Variants in NINJ2 observed in about 807,000 individuals in gnomAD.
NINJ2 encodes the protein ninjurin-2.
In NINJ2, 12 loss-of-function variants were observed where a neutral mutation model predicts 11.7. The observed-to-expected ratio is 1.02, with a 90% CI of 0.66 to 1.66. NINJ2 has a LOEUF of 1.66. NINJ2 is among the 40% of genes most tolerant of loss of function. NINJ2 has a pLI of 0.00. For missense variants in NINJ2, 187 were observed against 181.8 expected (o/e 1.03, Z -0.16); for synonymous variants, 93 against 76.8 (o/e 1.21, Z -1.10).
At chr12:574,953 G>C (rs1715200112) in intron 1 of NINJ2, among the ~76,000 whole-genome samples, 1 of 152,218 alleles carries the variant, frequency 6.6e-6, no homozygotes, top group South Asian at 2.1e-4. Context: ...TGAAAGCTGT[G>C]AAGTATTAAA....
At chr12:588,703 C>T (rs1947676842) in intron 1 of NINJ2, among the ~76,000 whole-genome samples, 1 of 152,154 alleles carries the variant, frequency 6.6e-6, no homozygotes, top group Non-Finnish European at 1.5e-5. Flanking sequence ...CACTGCTGCA[C>T]AGAGCACAAA....
chr12:636,638 TCACCA>T (rs1948355580), intron 1 of NINJ2, among the ~76,000 whole-genome samples: 1 of 151,804 alleles, frequency 6.6e-6, no homozygotes, highest in African/African-American at 2.4e-5. Flanking sequence ...AGGCTCAATG[TCACCA>T]GTCATTAGAC....
At chr12:605,805 G>T (rs1947935437) in intron 1 of NINJ2, among the ~76,000 whole-genome samples, 1 of 152,258 alleles carries the variant, frequency 6.6e-6, no homozygotes, top group African/African-American at 2.4e-5. Flanking sequence ...CAATGAAAAG[G>T]TCCACTTTGT....
intron 1 of NINJ2, among the ~76,000 whole-genome samples, chr12:635,998 G>T (rs112753993): frequency 5.3e-5 from 8 of 151,294 alleles, no homozygotes; most frequent in African/African-American, 1.9e-4. Context: ...AATCGCTTGA[G>T]CCTGGGACGC....
In NINJ2 at chr12:607,530, C is replaced by G. The variant is rs543399717; in HGVS notation, c.34-41352G>C. On this transcript the variant is annotated intron_variant, in intron 1 of 3. Coordinates refer to ENST00000305108, the MANE Select transcript of NINJ2 (RefSeq NM_016533.6). ...CCCAAGAAACAGGTTCAGCTCTACT[C>G]CAGGAGCCTGTTGGGTTACTCAGCC... is the stretch of plus-strand genomic sequence containing the variant. Among the ~76,000 whole-genome samples the G allele has an allele frequency of 3.3e-5, 5 of 152,320 alleles. No homozygotes were observed. In the East Asian group the frequency reaches 9.6e-4, roughly 29 times the overall value.
At position 591,974 on chromosome 12, in the gene NINJ2, A is replaced by G. The variant is rs943639658; in HGVS notation, c.34-25796T>C. Among the ~76,000 whole-genome samples the G allele has an allele frequency of 6.7e-6, 1 of 149,994 alleles. No homozygotes were observed. The highest frequency in any genetic ancestry group is 2.5e-5 in the African/African-American group (1 of 40,552). On this transcript the variant is annotated intron_variant, in intron 1 of 3. Coordinates refer to ENST00000305108, the MANE Select transcript of NINJ2 (RefSeq NM_016533.6). The surrounding 1 kb of genome is among the most constrained non-coding windows in gnomAD (Gnocchi z 5.0). ...CCCTCCTGCTCTGCTCATCCTTCCA[A>G]CTGCTCCTTTAGCCTGAAGGCCTGG... is the stretch of plus-strand genomic sequence containing the variant.
At chr12:601,609 AT>A (rs1320898420) in intron 1 of NINJ2, among the ~76,000 whole-genome samples, 2 of 152,214 alleles carry the variant, frequency 1.3e-5, no homozygotes, top group African/African-American at 4.8e-5. Context: ...CACGCCTGTA[AT>A]CCCAGCACTT....
intron 1 of NINJ2, among the ~76,000 whole-genome samples, chr12:629,258 G>T (rs1298229498): frequency 6.6e-6 from 1 of 152,158 alleles, no homozygotes; most frequent in African/African-American, 2.4e-5. Context: ...TTTTACATGT[G>T]GGAAAACTGA....
intron 1 of NINJ2, chr12:645,372 G>T (rs1937660055): frequency 6.6e-6 from 1 of 152,116 alleles, no homozygotes; most frequent in Non-Finnish European, 1.5e-5. Context: ...ATGTATGTAG[G>T]ACTTCTTATG....
In NINJ2 at chr12:587,197, C is replaced by G. The variant is rs376921393; in HGVS notation, c.34-21019G>C. 5.2e-4 allele frequency among the ~76,000 whole-genome samples: 79 copies of G among 152,258 alleles called. 1 individual carries two copies. The South Asian group carries it at 0.015, about 28-fold the overall frequency. On this transcript the variant is annotated intron_variant, in intron 1 of 3. Transcript: ENST00000305108. ...GTCCTGATCTGGGTCAACAAAAAGA[C>G]TAGGGGACCAGGAGGCAAGAGTCAG...
At chr12:575,616 C>T (rs1051035304) in intron 1 of NINJ2, among the ~76,000 whole-genome samples, 2 of 152,248 alleles carry the variant, frequency 1.3e-5, no homozygotes, top group Non-Finnish European at 2.9e-5. Context: ...GCTCCTTCTG[C>T]TGCCCACTTT....
intron 1 of NINJ2, among the ~76,000 whole-genome samples, chr12:577,437 A>ATG (rs1172123837): frequency 0.016 from 2,233 of 136,486 alleles, 82 homozygotes; most frequent in African/African-American, 0.034. Flanking sequence ...ATACATATAT[A>ATG]TATATAAATA....
intron 1 of NINJ2, among the ~76,000 whole-genome samples, chr12:599,152 C>T (rs11063804): frequency 0.37 from 56,365 of 151,256 alleles, 11,818 homozygotes; most frequent in Non-Finnish European, 0.49. Context: ...GAGGCCGAGG[C>T]GGATGGATCA....
Position 566,732 on chromosome 12 carries a change from G to A in NINJ2, c.34-554C>T, listed in dbSNP as rs1226433552. On this transcript the variant is annotated intron_variant, in intron 1 of 3. Transcript: ENST00000305108. ...GCTGCCGCCCTGCTCAGGCACACAC[G>A]CTGTCAGACACAGGCTCTCAGCATA... is the stretch of plus-strand genomic sequence containing the variant. Among the ~76,000 whole-genome samples the A allele has an allele frequency of 6.6e-5, 10 of 152,312 alleles. No homozygotes were observed. In the East Asian group the frequency reaches 7.7e-4, roughly 12 times the overall value.
At chr12:578,818 G>C (rs2120825250) in intron 1 of NINJ2, among the ~76,000 whole-genome samples, 1 of 152,312 alleles carries the variant, frequency 6.6e-6, no homozygotes, top group Non-Finnish European at 1.5e-5. Flanking sequence ...TTTTGAACCA[G>C]CAGCCAGAGG....
intron 1 of NINJ2, among the ~76,000 whole-genome samples, chr12:636,103 G>A (rs866034849): frequency 1.3e-5 from 2 of 151,982 alleles, no homozygotes; most frequent in Admixed American, 6.6e-5. Context: ...TAGGCCAGGC[G>A]TGGTGGCTTA....
chr12:659,024 A>C (rs7304273), intron 1 of NINJ2, among the ~76,000 whole-genome samples: 8,897 of 147,880 alleles, frequency 0.06, 660 homozygotes, highest in African/African-American at 0.17. Flanking sequence ...TATTCTCTCT[A>C]TATATAACTG....
At chr12:643,586 AG>A in intron 1 of NINJ2, 1 of 988,054 alleles carries the variant, frequency 1.0e-6, no homozygotes, top group Non-Finnish European at 1.2e-6. Flanking sequence ...GAGGAAACCG[AG>A]GCTCGGAGAG....
intron 1 of NINJ2, among the ~76,000 whole-genome samples, chr12:621,816 A>AG (rs1353785917): frequency 1.3e-5 from 1 of 74,970 alleles, no homozygotes; most frequent in Non-Finnish European, 3.0e-5. Flanking sequence ...ACTCCGTCTC[A>AG]GAAAAAAAAA....
Sources: allele counts gnomAD v4.1 joint callset (sites outside exome capture counted in the v4.1 genomes callset), GRCh38; gene constraint gnomAD v4.1.1; non-coding constraint Gnocchi (gnomAD v3.1); transcripts MANE v1.5; gene names NCBI Gene and HGNC (gene_info 2026-07-23, HGNC 2026-07-21).